HS3ST4: variants seen among roughly 807,000 people sequenced by gnomAD.
The protein encoded by HS3ST4 is heparan sulfate glucosamine 3-O-sulfotransferase 4.
Under a neutral mutation model 29.2 loss-of-function variants are expected in HS3ST4, and 17 were observed. The observed-to-expected ratio is 0.58, with a 90% CI of 0.40 to 0.87. The LOEUF (loss-of-function observed/expected upper bound fraction) is 0.87, where lower values mean the gene tolerates loss of function less well. Among genes scored for constraint, HS3ST4 ranks in the 40% least tolerant of loss-of-function variants. HS3ST4 has a pLI of 0.00. For synonymous variants in HS3ST4, 314 were observed against 285.7 expected, an observed-to-expected ratio of 1.10 and a Z score of -1.00; for missense variants, 627 against 634.5, an observed-to-expected ratio of 0.99 and a Z score of 0.13.
At chr16:25,901,021 G>A (rs939312599) in intron 1 of HS3ST4, among the ~76,000 whole-genome samples, 22 of 152,202 alleles carry the variant, frequency 1.4e-4, no homozygotes, top group Admixed American at 7.2e-4. Context: ...ACCCCTTGGC[G>A]CATCCTTGGA....
At chr16:26,110,321 T>A (rs143661228) in intron 1 of HS3ST4, among the ~76,000 whole-genome samples, 5 of 152,356 alleles carry the variant, frequency 3.3e-5, no homozygotes, top group Admixed American at 3.3e-4. Flanking sequence ...CACCTGTTGA[T>A]GGACACTTAG....
intron 1 of HS3ST4, among the ~76,000 whole-genome samples, chr16:25,886,254 A>C (rs1203173061): frequency 6.6e-6 from 1 of 151,926 alleles, no homozygotes; most frequent in Non-Finnish European, 1.5e-5. Context: ...GCTGGTCTTG[A>C]ACTCCTGACC....
chr16:26,115,726 C>A (rs920936553), intron 1 of HS3ST4, among the ~76,000 whole-genome samples: 14 of 151,956 alleles, frequency 9.2e-5, no homozygotes, highest in African/African-American at 3.4e-4. Flanking sequence ...ATATGCTGAG[C>A]TCTGGAATGG....
chr16:25,923,081 G>A (rs868789545), intron 1 of HS3ST4, among the ~76,000 whole-genome samples: 5 of 152,276 alleles, frequency 3.3e-5, no homozygotes, highest in Middle Eastern at 6.8e-3. Context: ...ACTACATAAA[G>A]TTTACCAACT....
chr16:26,119,206 C>T (rs748591829), intron 1 of HS3ST4, among the ~76,000 whole-genome samples: 3 of 152,194 alleles, frequency 2.0e-5, no homozygotes, highest in Non-Finnish European at 4.4e-5. Flanking sequence ...TTTCCTACCT[C>T]CCTCTCAGCT....
chr16:26,033,925 A>G (rs1038785568), intron 1 of HS3ST4, among the ~76,000 whole-genome samples: 1 of 152,182 alleles, frequency 6.6e-6, no homozygotes, highest in Non-Finnish European at 1.5e-5. Context: ...TATGTGAACA[A>G]AGAAAGGAAA....
chr16:25,844,316 A>G (rs1967443650), intron 1 of HS3ST4, among the ~76,000 whole-genome samples: 1 of 152,192 alleles, frequency 6.6e-6, no homozygotes, highest in South Asian at 2.1e-4. Flanking sequence ...CATTCATTCA[A>G]CTAGAAATTT....
chr16:25,873,321 TC>T (rs1967778603), intron 1 of HS3ST4, among the ~76,000 whole-genome samples: 1 of 43,104 alleles, frequency 2.3e-5, no homozygotes. Flanking sequence ...CATCCATCCA[TC>T]CTTCCTTCCT....
chr16:25,960,353 TA>T (rs149711558), intron 1 of HS3ST4, among the ~76,000 whole-genome samples: 2,403 of 152,272 alleles, frequency 0.016, 68 homozygotes, highest in African/African-American at 0.056. Context: ...GGTGTTTCTT[TA>T]TAGCAACACA....
intron 1 of HS3ST4, among the ~76,000 whole-genome samples, chr16:25,980,003 A>T (rs1448583423): frequency 6.6e-6 from 1 of 151,830 alleles, no homozygotes; most frequent in Non-Finnish European, 1.5e-5. Context: ...GGATCCTATC[A>T]CCTCTCCCTC....
chr16:25,721,011 G>T (rs903508073), intron 1 of HS3ST4, among the ~76,000 whole-genome samples: 1 of 152,178 alleles, frequency 6.6e-6, no homozygotes, highest in African/African-American at 2.4e-5. Context: ...AGTTCTGTTA[G>T]CAAGAAAAGA....
intron 1 of HS3ST4, among the ~76,000 whole-genome samples, chr16:26,089,732 A>G (rs1033491420): frequency 6.6e-6 from 1 of 152,174 alleles, no homozygotes. Flanking sequence ...GTTCGCTTTC[A>G]TTTTACATCC....
At chr16:25,905,292 T>C (rs570177466) in intron 1 of HS3ST4, among the ~76,000 whole-genome samples, 4 of 151,478 alleles carry the variant, frequency 2.6e-5, no homozygotes, top group African/African-American at 9.7e-5. Flanking sequence ...GGCAGCAGGG[T>C]GGAGGAAAAA....
intron 1 of HS3ST4, among the ~76,000 whole-genome samples, chr16:26,029,835 C>G (rs1969516096): frequency 6.6e-6 from 1 of 152,230 alleles, no homozygotes; most frequent in Non-Finnish European, 1.5e-5. Context: ...ACCACCATTT[C>G]CACACGCAGT....
At chr16:25,858,428 T>C (rs952329631) in intron 1 of HS3ST4, among the ~76,000 whole-genome samples, 2 of 152,170 alleles carry the variant, frequency 1.3e-5, no homozygotes, top group African/African-American at 4.8e-5. Context: ...TTTTCAAAGG[T>C]GTAATTTTCT....
At chr16:25,861,554 A>G (rs2141654883) in intron 1 of HS3ST4, among the ~76,000 whole-genome samples, 1 of 152,294 alleles carries the variant, frequency 6.6e-6, no homozygotes, top group South Asian at 2.1e-4. Context: ...TAAAACATTT[A>G]TGAAAAGCGC....
chr16:25,788,415 CAAA>C (rs11384547), intron 1 of HS3ST4, among the ~76,000 whole-genome samples: 1 of 143,060 alleles, frequency 7.0e-6, no homozygotes. Context: ...AATTCTGTCT[CAAA>C]AAAAAAAAAA....
intron 1 of HS3ST4, among the ~76,000 whole-genome samples, chr16:25,846,205 G>C (rs1233804446): frequency 1.3e-5 from 2 of 152,180 alleles, no homozygotes; most frequent in Non-Finnish European, 2.9e-5. Flanking sequence ...CCCAGAAGCT[G>C]CAAGGAAGTT....
intron 1 of HS3ST4, among the ~76,000 whole-genome samples, chr16:25,750,573 G>A (rs1424474722): frequency 1.3e-5 from 2 of 152,178 alleles, no homozygotes; most frequent in Non-Finnish European, 2.9e-5. Flanking sequence ...AAAGCTCAAA[G>A]CTCAGAGTAT....
Sources: gnomAD v4.1 joint callset for allele counts (sites outside exome capture counted in the v4.1 genomes callset) on GRCh38, gnomAD v4.1.1 for gene constraint, MANE v1.5 for transcripts, NCBI Gene and HGNC (gene_info 2026-07-23, HGNC 2026-07-21) for gene names.